The following ERBB4 variants were observed in gnomAD, a reference collection of about 807,000 sequenced individuals.
ERBB4 encodes the protein erb-b2 receptor tyrosine kinase 4.
A neutral mutation model predicts 158.0 loss-of-function variants in ERBB4; 42 were observed. The ratio of observed to expected loss-of-function variants is 0.27; its 90% confidence interval spans 0.21 to 0.34. ERBB4 has a LOEUF of 0.34. Ranked by LOEUF, ERBB4 falls within the 10% of genes least tolerant of loss-of-function variation. The probability of loss-of-function intolerance (pLI) is 1.00; values close to 1 mark genes in which losing one functional copy is unlikely to be tolerated. For synonymous variants in ERBB4, 583 were observed against 558.7 expected (o/e 1.04, Z -0.61); for missense variants, 1,333 against 1,624.1 (o/e 0.82, Z 3.08).
intron 20 of ERBB4, among the ~76,000 whole-genome samples, chr2:211,471,491 G>T (rs571315465): frequency 6.6e-6 from 1 of 152,130 alleles, no homozygotes; most frequent in South Asian, 2.1e-4. Context: ...TATATGTGCT[G>T]ATAAAGCAGC....
intron 2 of ERBB4, among the ~76,000 whole-genome samples, chr2:212,113,536 C>T (rs374081457): frequency 2.6e-4 from 35 of 132,626 alleles, no homozygotes; most frequent in African/African-American, 9.0e-4. Context: ...ATCATGCCAC[C>T]GCACTCCAGC....
intron 25 of ERBB4, among the ~76,000 whole-genome samples, chr2:211,404,735 A>T (rs942456375): frequency 1.3e-5 from 2 of 152,092 alleles, no homozygotes; most frequent in Non-Finnish European, 2.9e-5. Flanking sequence ...CGAGAAAGGA[A>T]ATTTTGGAGC....
intron 20 of ERBB4, among the ~76,000 whole-genome samples, chr2:211,459,437 G>C (rs1230321379): frequency 1.3e-5 from 2 of 152,180 alleles, no homozygotes; most frequent in Non-Finnish European, 2.9e-5. Context: ...TGTCCCTAGG[G>C]AGGTGATACG....
At position 211,376,582 on chromosome 2, in the gene ERBB4, T is replaced by TAA; in HGVS notation, c.*7031_*7032dup. ...GAGGGCTTGTTTTCTGCTTACAAGT[T>TAA]AAGAAAATAAGGAAGTGAGTACAAA... On this transcript the variant is annotated 3_prime_UTR_variant, in exon 28 of 28. Transcript: ENST00000342788. 1 of 232,758 alleles carries TAA rather than the reference T, an allele frequency of 4.3e-6. No homozygotes were observed. The highest frequency in any genetic ancestry group is 8.5e-6 in the Non-Finnish European group (1 of 117,444). The allele number at this position is 232,758 out of a possible 1,614,324, so 14.4% of individuals were successfully genotyped here. A position where few individuals can be genotyped will look rare whatever the true frequency, so the allele number is the denominator to read the frequency against.
intron 7 of ERBB4, among the ~76,000 whole-genome samples, chr2:211,715,395 C>T (rs2073860043): frequency 6.6e-6 from 1 of 152,192 alleles, no homozygotes; most frequent in Non-Finnish European, 1.5e-5. Flanking sequence ...TGAGACTACT[C>T]CTTAATAACC....
rs796513449 is a variant in ERBB4 at position 211,714,573 on chromosome 2, T to C, written c.884-925A>G. On this transcript the variant is annotated intron_variant, in intron 7 of 27. Coordinates refer to ENST00000342788, the MANE Select transcript of ERBB4 (RefSeq NM_005235.3). ...TGGGAAAATATGCCATGTAGATTTA[T>C]GGCAAGTTTCATCAGAAAATCACAA... Among the ~76,000 whole-genome samples, 5 of 152,340 alleles carry C rather than the reference T, an allele frequency of 3.3e-5. 1 individual carries two copies. Among genetic ancestry groups the C allele is most frequent in the African/African-American group, 9.6e-5 (4 of 41,584 alleles).
chr2:211,566,822 T>C (rs1019311702), intron 19 of ERBB4, among the ~76,000 whole-genome samples: 5 of 148,978 alleles, frequency 3.4e-5, no homozygotes, highest in African/African-American at 7.8e-5. Context: ...TTTATACTTA[T>C]GTTATTTCTT....
At chr2:212,221,385 T>C (rs1200169190) in intron 1 of ERBB4, among the ~76,000 whole-genome samples, 1 of 151,580 alleles carries the variant, frequency 6.6e-6, no homozygotes, top group Non-Finnish European at 1.5e-5. Context: ...TGCTTGCCAT[T>C]TGGCAGATCC....
chr2:212,370,279 G>A (rs1374217300), intron 1 of ERBB4, among the ~76,000 whole-genome samples: 1 of 152,120 alleles, frequency 6.6e-6, no homozygotes, highest in Non-Finnish European at 1.5e-5. Context: ...ATGATTGAAA[G>A]TTTCCTGAGG....
chr2:212,311,001 G>A (rs755908447), intron 1 of ERBB4, among the ~76,000 whole-genome samples: 5 of 150,402 alleles, frequency 3.3e-5, no homozygotes, highest in Non-Finnish European at 7.5e-5. Context: ...AGCCTGTTTT[G>A]CACTAGTCAC....
chr2:212,417,532 C>G (rs1398161361), intron 1 of ERBB4, among the ~76,000 whole-genome samples: 1 of 151,990 alleles, frequency 6.6e-6, no homozygotes, highest in African/African-American at 2.4e-5. Flanking sequence ...TGTCTACTGA[C>G]TCATTTTTAC....
intron 20 of ERBB4, among the ~76,000 whole-genome samples, chr2:211,503,899 G>T (rs62178817): frequency 0.15 from 23,544 of 152,020 alleles, 3,080 homozygotes; most frequent in African/African-American, 0.36. Context: ...CTGGTTGCAG[G>T]ATTGCTAGAT....
At chr2:211,943,110 A>T (rs1357924912) in intron 3 of ERBB4, among the ~76,000 whole-genome samples, 1 of 152,120 alleles carries the variant, frequency 6.6e-6, no homozygotes, top group Non-Finnish European at 1.5e-5. Flanking sequence ...ATTCCTTTAT[A>T]TCTACAATAT....
chr2:211,989,169 TATA>T, intron 2 of ERBB4, among the ~76,000 whole-genome samples: 1 of 152,126 alleles, frequency 6.6e-6, no homozygotes, highest in African/African-American at 2.4e-5. Flanking sequence ...CTACTTTGAT[TATA>T]ATGAGTTTCT....
intron 20 of ERBB4, among the ~76,000 whole-genome samples, chr2:211,517,273 C>A (rs1334484966): frequency 6.6e-6 from 1 of 151,946 alleles, no homozygotes; most frequent in Non-Finnish European, 1.5e-5. Flanking sequence ...ATATCCTTAT[C>A]TGAAATAGTG....
chr2:211,762,087 T>C (rs2075430464), intron 4 of ERBB4, among the ~76,000 whole-genome samples: 1 of 152,230 alleles, frequency 6.6e-6, no homozygotes, highest in South Asian at 2.1e-4. Context: ...TAATCAATGT[T>C]AGTTCCCTTT....
intron 1 of ERBB4, among the ~76,000 whole-genome samples, chr2:212,175,794 A>T (rs1308928932): frequency 2.0e-5 from 3 of 151,934 alleles, no homozygotes; most frequent in Non-Finnish European, 2.9e-5. Context: ...TTTCATTGTT[A>T]AAGCCTTTCT....
chr2:212,091,901 C>T (rs2078790466), intron 2 of ERBB4, among the ~76,000 whole-genome samples: 1 of 151,992 alleles, frequency 6.6e-6, no homozygotes, highest in Non-Finnish European at 1.5e-5. Context: ...TTATTCAGAA[C>T]TCCAGACAGT....
intron 3 of ERBB4, among the ~76,000 whole-genome samples, chr2:211,929,359 G>T (rs1361409524): frequency 6.6e-6 from 1 of 151,692 alleles, no homozygotes; most frequent in Non-Finnish European, 1.5e-5. Context: ...TGTTTCAAAA[G>T]AAATATGTAT....
Sources: allele counts gnomAD v4.1 joint callset (sites outside exome capture counted in the v4.1 genomes callset), GRCh38; gene constraint gnomAD v4.1.1; transcripts MANE v1.5; gene names NCBI Gene and HGNC (gene_info 2026-07-23, HGNC 2026-07-21).